Variants in NOTCH1 observed in about 807,000 individuals in gnomAD.
NOTCH1 encodes neurogenic locus notch homolog protein 1.
In NOTCH1, 37 loss-of-function variants were observed where a neutral mutation model predicts 254.8. The observed-to-expected ratio is 0.15, with a 90% CI of 0.11 to 0.19. NOTCH1 has a LOEUF of 0.19. Ranked by LOEUF, NOTCH1 falls within the 10% of genes least tolerant of loss-of-function variation. NOTCH1 has a pLI of 1.00. For synonymous variants in NOTCH1, 1,731 were observed against 1,618.1 expected, an observed-to-expected ratio of 1.07 and a Z score of -1.68; for missense variants, 2,972 against 3,708.6, an observed-to-expected ratio of 0.80 and a Z score of 5.16.
intron 17 of NOTCH1, 32 bp from the exon 18 acceptor site, chr9:136,509,993 G>A (rs761694007): frequency 6.3e-7 from 1 of 1,592,542 alleles, no homozygotes; most frequent in South Asian, 1.1e-5. Context: ...AGTGTGAGGG[G>A]CAGGCACAAA....
In NOTCH1 at chr9:136,504,773, C is replaced by T. The variant is rs976118697; in HGVS notation, c.4918G>A (p.Ala1640Thr). Residue 1640 changes from alanine (A) to threonine (T), a missense_variant, in exon 26 of 34, where the codon GCA (alanine) becomes ACA (threonine). Around this residue, in one of 8 missense-constraint regions of NOTCH1, gnomAD observed 1,343 missense variants for 1,557.0 expected, o/e 0.86. Transcript: ENST00000651671. ...PIKRAAEGWAAPDALLGQVKA... is the reference protein window; with the variant it reads ...PIKRAAEGWATPDALLGQVKA... ...ACCTGGCCCAGCAGGGCGTCAGGTG[C>T]GGCCCAGCCCTCGGCGGCACGCTTG... The T allele has an allele frequency of 1.9e-5, 30 of 1,551,586 alleles. No individual in the cohort carries two copies. The highest frequency in any genetic ancestry group is 1.7e-4 in the Middle Eastern group (1 of 5,754).
intron 3 of NOTCH1, 38 bp from the exon 4 acceptor site, chr9:136,523,226 C>T (rs1231366563): frequency 1.3e-6 from 2 of 1,552,332 alleles, no homozygotes; most frequent in Admixed American, 1.9e-5. Flanking sequence ...GCTGGCCTCA[C>T]TGCTCCCCGA....
rs1333782148 is a variant in NOTCH1, at chr9:136,496,253, T to G, written c.7486A>C (p.Asn2496His). Residue 2496 changes from asparagine (N) to histidine (H), a missense_variant, in exon 34 of 34, where the codon AAC (asparagine) becomes CAC (histidine). This residue lies in a region of NOTCH1 where 85 missense variants were observed against 126.1 expected (regional missense o/e 0.67). Transcript: ENST00000651671. ...ACCTGTAGCTGGTGGCTGGGGGTGT[T>G]GTCCACAGGCGAGGAGTAGCTGTGC... ...SQHSYSSPVD[N>H]TPSHQLQVPE... 1 of 1,603,456 alleles carries G rather than the reference T, an allele frequency of 6.2e-7. No individual in the cohort carries two copies. Among genetic ancestry groups the G allele is most frequent in the South Asian group, 1.1e-5 (1 of 89,822 alleles).
In NOTCH1 at chr9:136,506,216, A is replaced by G. The variant is rs1051854492; in HGVS notation, c.4014+311T>C. Among the ~76,000 whole-genome samples, 3 of 152,114 alleles carry G rather than the reference A, an allele frequency of 2.0e-5. No individual in the cohort carries two copies. Among genetic ancestry groups the G allele is most frequent in the African/African-American group, 7.2e-5 (3 of 41,414 alleles). ...ACAAAGCCAAGGGCAAGCCCCAGGTACAGGAAGGGCTGCTGTTGGTAACAA... is the reference window on the plus strand; with the variant it reads ...ACAAAGCCAAGGGCAAGCCCCAGGTGCAGGAAGGGCTGCTGTTGGTAACAA... On this transcript the variant is annotated intron_variant, in intron 24 of 33. Transcript: ENST00000651671. The surrounding 1 kb of genome is among the most constrained non-coding windows in gnomAD (Gnocchi z 4.5).
At chr9:136,510,099 T>C (rs1446805418) in intron 17 of NOTCH1, 138 bp from the exon 18 acceptor site, 1 of 808,958 alleles carries the variant, frequency 1.2e-6, no homozygotes, top group Non-Finnish European at 2.0e-6. Context: ...GTGACAAAGG[T>C]GTCTGGTGGG....
In NOTCH1 at chr9:136,500,601, C is replaced by A; in HGVS notation, c.5885G>T (p.Arg1962Leu). The A allele has an allele frequency of 6.2e-7, 1 of 1,611,922 alleles. No individual in the cohort carries two copies. Among genetic ancestry groups the A allele is most frequent in the Non-Finnish European group, 8.5e-7 (1 of 1,179,878 alleles). The change falls in exon 31 of 34, where the codon CGC becomes CTC. Residue 1962 changes from arginine (R) to leucine (L), a missense_variant. Arg to Leu is a moderately radical substitution (Grantham distance 102). This residue lies in a region of NOTCH1 where 421 missense variants were observed against 604.4 expected (regional missense o/e 0.70). Transcript: ENST00000651671. ...ADANIQDNMG[R>L]TPLHAAVSAD... ...AGACACAGCCGCATGCAGCGGGGTG[C>A]GGCCCATGTTGTCCTGGATGTTGGC... is the stretch of plus-strand genomic sequence containing the variant.
At chr9:136,524,049 G>A in intron 2 of NOTCH1, 70 bp from the exon 3 acceptor site, 3 of 1,526,544 alleles carry the variant, frequency 2.0e-6, no homozygotes, top group Non-Finnish European at 2.6e-6. Flanking sequence ...TCAGCACCGG[G>A]AACCTGTCAT....
At position 136,505,402 on chromosome 9, in the gene NOTCH1, C is replaced by A. The variant is rs2133338897; in HGVS notation, c.4494G>T (p.Lys1498Asn). The A allele has an allele frequency of 6.2e-7, 1 of 1,612,606 alleles. No homozygotes were observed. The highest frequency in any genetic ancestry group is 1.1e-5 in the South Asian group (1 of 91,068). Residue 1498 changes from lysine to asparagine, a missense_variant, in exon 25 of 34, where the codon AAG (lysine) becomes AAT (asparagine). By Grantham distance (94) the Lys-to-Asn change is moderately conservative. Coordinates refer to ENST00000651671, the MANE Select transcript of NOTCH1 (RefSeq NM_017617.5). ...KNCTQSLQCWKYFSDGHCDSQ... is the reference protein window; with the variant it reads ...KNCTQSLQCWNYFSDGHCDSQ... ...TGTCACAGTGGCCGTCACTGAAGTA[C>A]TTCCAGCACTGCAGAGACTGCGTGC... is the stretch of plus-strand genomic sequence containing the variant.
In NOTCH1 at chr9:136,519,733, C is replaced by T. The variant is rs556331201; in HGVS notation, c.743-168G>A. 115 of 875,206 alleles carry T rather than the reference C, an allele frequency of 1.3e-4. 2 individuals are homozygous for T. Among genetic ancestry groups the T allele is most frequent in the South Asian group, 1.2e-3 (88 of 73,568 alleles). The allele number at this position is 875,206 out of a possible 1,614,324, so 54.2% of individuals were successfully genotyped here. On this transcript the variant is annotated intron_variant, in intron 4 of 33. Transcript: ENST00000651671. ...CCTCACTCCAGTGCCCAGAGGGACA[C>T]GCCCTGCTTGAAAGAATCATTTTGG...
chr9:136,519,763 G>A, intron 4 of NOTCH1, 198 bp from the exon 5 acceptor site: 1 of 714,428 alleles, frequency 1.4e-6, no homozygotes, highest in Non-Finnish European at 2.4e-6. Flanking sequence ...TTTTGGACAG[G>A]ACTGGCTAAA....
In NOTCH1 at chr9:136,508,887, T is replaced by C. The variant is rs370889733; in HGVS notation, c.3154A>G (p.Thr1052Ala). 1.3e-6 allele frequency: 2 copies of C among 1,547,536 alleles called. No homozygotes were observed. The highest frequency in any genetic ancestry group is 2.0e-5 in the Admixed American group (1 of 50,984). The change falls in exon 19 of 34, where the codon ACT (threonine) becomes GCT (alanine). Residue 1052 changes from threonine (T) to alanine (A), a missense_variant. Thr to Ala is a moderately conservative substitution (Grantham distance 58, BLOSUM62 0). Coordinates refer to ENST00000651671, the MANE Select transcript of NOTCH1 (RefSeq NM_017617.5). ...GCACTCACCTGGCAGTTGGGGCCAG[T>C]GTAGCCCTGGGGGCAGGTGCACCTG... ...SYRCTCPQGY[T>A]GPNCQNLVHW...
chr9:136,501,340 A>G (rs892074219), intron 30 of NOTCH1, among the ~76,000 whole-genome samples: 1 of 151,996 alleles, frequency 6.6e-6, no homozygotes, highest in Non-Finnish European at 1.5e-5. Context: ...AGGCTGAGGC[A>G]GGAGAATTGC....
intron 2 of NOTCH1, chr9:136,543,659 G>A (rs534575448): frequency 4.8e-6 from 2 of 416,856 alleles, no homozygotes; most frequent in South Asian, 4.2e-5. Flanking sequence ...GCCCCAAGTT[G>A]GCAGGGTGGT....
In NOTCH1 at chr9:136,495,679, A is replaced by C. The variant is rs1842904158; in HGVS notation, c.*392T>G. 2.4e-6 allele frequency: 1 copy of C among 410,132 alleles called. No homozygotes were observed. The highest frequency in any genetic ancestry group is 4.1e-5 in the Admixed American group (1 of 24,418). The allele number at this position is 410,132 out of a possible 1,614,324, so 25.4% of individuals were successfully genotyped here. A position where few individuals can be genotyped will look rare whatever the true frequency, so the allele number is the denominator to read the frequency against. On this transcript the variant is annotated 3_prime_UTR_variant, in exon 34 of 34. Coordinates refer to ENST00000651671, the MANE Select transcript of NOTCH1 (RefSeq NM_017617.5). ...TATGCTCGTTCAACTTCCCTTCTCCAACATCATTTCTTTTTGGATTTTGAA... is the reference window on the plus strand; with the variant it reads ...TATGCTCGTTCAACTTCCCTTCTCCCACATCATTTCTTTTTGGATTTTGAA...
intron 2 of NOTCH1, among the ~76,000 whole-genome samples, chr9:136,538,016 G>A (rs1843680531): frequency 6.6e-6 from 1 of 152,144 alleles, no homozygotes; most frequent in African/African-American, 2.4e-5. Context: ...GGAGGCAGAG[G>A]TTACAGTGAG....
intron 2 of NOTCH1, among the ~76,000 whole-genome samples, chr9:136,536,384 T>TC (rs1386895844): frequency 1.3e-5 from 2 of 152,124 alleles, no homozygotes; most frequent in African/African-American, 4.8e-5. Context: ...CGGGCCTGGA[T>TC]CTAGGCCAGG....
Position 136,515,720 on chromosome 9 carries a change from G to A in NOTCH1, c.1670-4C>T, listed in dbSNP as rs2133364461. On this transcript the variant is annotated splice_region_variant and splice_polypyrimidine_tract_variant and intron_variant, in intron 10 of 33. Coordinates refer to ENST00000651671, the MANE Select transcript of NOTCH1 (RefSeq NM_017617.5). Reference sequence around the variant, plus strand: ...TCGCAGTGCGTCCCCGTGTACCCTGGACCGTGGGAGGGGCGGGCACAGGAA... The same window carrying A: ...TCGCAGTGCGTCCCCGTGTACCCTGAACCGTGGGAGGGGCGGGCACAGGAA... 2 of 1,535,798 alleles carry A rather than the reference G, an allele frequency of 1.3e-6. No individual in the cohort carries two copies. The highest frequency in any genetic ancestry group is 1.2e-5 in the South Asian group (1 of 84,244).
At chr9:136,498,671 C>T (rs759881031) in intron 33 of NOTCH1, among the ~76,000 whole-genome samples, 1 of 152,210 alleles carries the variant, frequency 6.6e-6, no homozygotes, top group Non-Finnish European at 1.5e-5. Context: ...GCCGCCGTGT[C>T]CTGACAGCTG....
Position 136,495,982 on chromosome 9 carries a change from G to C in NOTCH1, c.*89C>G. ...GTATAAAAACATGTGTTTTAAAAAG[G>C]CTCCTCTGGTCGGCCCTGGCATCCA... is the stretch of plus-strand genomic sequence containing the variant. On this transcript the variant is annotated 3_prime_UTR_variant, in exon 34 of 34. Coordinates refer to ENST00000651671, the MANE Select transcript of NOTCH1 (RefSeq NM_017617.5). The C allele has an allele frequency of 1.5e-6, 2 of 1,364,988 alleles. No individual in the cohort carries two copies. The highest frequency in any genetic ancestry group is 1.3e-5 in the South Asian group (1 of 76,084). The allele number at this position is 1,364,988 out of a possible 1,614,324, so 84.6% of individuals were successfully genotyped here.
Sources: gnomAD v4.1 joint callset for allele counts (sites outside exome capture counted in the v4.1 genomes callset) on GRCh38, gnomAD v4.1.1 for gene constraint, gnomAD v4.1.1 regional missense constraint, Gnocchi (gnomAD v3.1) non-coding constraint, MANE v1.5 for transcripts, NCBI Gene and HGNC (gene_info 2026-07-23, HGNC 2026-07-21) for gene names.